Variants in SLC35F4 observed in about 807,000 individuals in gnomAD.
SLC35F4 encodes chromosome 14 open reading frame 36.
Under a neutral mutation model 44.2 loss-of-function variants are expected in SLC35F4, and 24 were observed. The observed-to-expected ratio is 0.54, with a 90% CI of 0.39 to 0.76. SLC35F4 has a LOEUF of 0.76. Ranked by LOEUF, SLC35F4 falls within the 30% of genes least tolerant of loss-of-function variation. The probability of loss-of-function intolerance (pLI) is 0.00; values close to 1 mark genes in which losing one functional copy is unlikely to be tolerated. For synonymous variants in SLC35F4, 238 were observed against 223.6 expected (o/e 1.06, Z -0.57); for missense variants, 562 against 586.1 (o/e 0.96, Z 0.42).
At chr14:57,887,602 T>A (rs764052893) in intron 1 of SLC35F4, among the ~76,000 whole-genome samples, 2 of 152,144 alleles carry the variant, frequency 1.3e-5, no homozygotes, top group Non-Finnish European at 2.9e-5. Flanking sequence ...TTCTGTCACC[T>A]CAATGAGGAG....
intron 1 of SLC35F4, among the ~76,000 whole-genome samples, chr14:57,690,450 T>C (rs2075198354): frequency 6.6e-6 from 1 of 152,056 alleles, no homozygotes; most frequent in African/African-American, 2.4e-5. Flanking sequence ...ATTTTCATGT[T>C]TTTCTTGTCT....
At chr14:57,598,222 G>C (rs1566664545) in intron 1 of SLC35F4, among the ~76,000 whole-genome samples, 1 of 152,124 alleles carries the variant, frequency 6.6e-6, no homozygotes, top group African/African-American at 2.4e-5. Context: ...AAATTTGGTT[G>C]TCTGAAGCTC....
At chr14:57,657,833 C>A (rs2140225719) in intron 1 of SLC35F4, among the ~76,000 whole-genome samples, 1 of 152,192 alleles carries the variant, frequency 6.6e-6, no homozygotes, top group Admixed American at 6.5e-5. Flanking sequence ...TGGGAAGGTG[C>A]CTAAAGAGAA....
chr14:57,865,014 G>C (rs112890603), intron 1 of SLC35F4, among the ~76,000 whole-genome samples: 1 of 151,800 alleles, frequency 6.6e-6, no homozygotes, highest in South Asian at 2.1e-4. Flanking sequence ...CGGTGACCGC[G>C]ACGTGCGGCG....
Position 57,861,717 on chromosome 14 carries a change from T to C in SLC35F4, c.103+4006A>G, listed in dbSNP as rs899939951. On this transcript the variant is annotated intron_variant, in intron 1 of 7. Coordinates refer to ENST00000556826, the MANE Select transcript of SLC35F4 (RefSeq NM_001306087.2). ...ACCTTTCAATAGCATTGGACTCAGCTAAACTCTTCCCCTTCAAACTCTTTA... is the reference window on the plus strand; with the variant it reads ...ACCTTTCAATAGCATTGGACTCAGCCAAACTCTTCCCCTTCAAACTCTTTA... 3.9e-5 allele frequency among the ~76,000 whole-genome samples: 6 copies of C among 152,204 alleles called. No individual in the cohort carries two copies. The East Asian group carries it at 5.8e-4, about 15-fold the overall frequency.
At chr14:57,760,807 G>A (rs2077105924) in intron 1 of SLC35F4, among the ~76,000 whole-genome samples, 1 of 152,144 alleles carries the variant, frequency 6.6e-6, no homozygotes, top group South Asian at 2.1e-4. Context: ...TACTGTGTGA[G>A]TCTCAGATAC....
At chr14:57,695,466 A>G (rs1166979128) in intron 1 of SLC35F4, among the ~76,000 whole-genome samples, 1 of 151,604 alleles carries the variant, frequency 6.6e-6, no homozygotes, top group African/African-American at 2.4e-5. Flanking sequence ...CAAAACCACA[A>G]TGAGATACCA....
At chr14:57,925,500 AGGGAGGGAGGGAGGGAGGGAGGG>A (rs1566930958) in intron 1 of SLC35F4, among the ~76,000 whole-genome samples, 18 of 43,610 alleles carry the variant, frequency 4.1e-4, no homozygotes, top group African/African-American at 2.1e-3. Context: ...GAAGGAAGGG[AGGGAGGGAGGGAGGGAGGGAGGG>A]AGGGAGGGAG....
intron 1 of SLC35F4, among the ~76,000 whole-genome samples, chr14:57,639,827 C>T (rs2073152171): frequency 6.6e-6 from 1 of 151,760 alleles, no homozygotes; most frequent in Admixed American, 6.6e-5. Context: ...GGAAGTTGGG[C>T]CTTACTGATA....
intron 1 of SLC35F4, among the ~76,000 whole-genome samples, chr14:57,623,943 C>T (rs887623457): frequency 1.3e-5 from 2 of 152,046 alleles, no homozygotes; most frequent in Non-Finnish European, 2.9e-5. Context: ...CAAGAAATAA[C>T]TAAGATTAGA....
chr14:57,683,404 A>G (rs2074966974), intron 1 of SLC35F4, among the ~76,000 whole-genome samples: 1 of 152,234 alleles, frequency 6.6e-6, no homozygotes, highest in South Asian at 2.1e-4. Flanking sequence ...TAAGTTTTAA[A>G]TTTAGCAACA....
At chr14:57,728,441 CTTTTTTTTT>C (rs869064667) in intron 1 of SLC35F4, among the ~76,000 whole-genome samples, 1 of 59,026 alleles carries the variant, frequency 1.7e-5, no homozygotes, top group Non-Finnish European at 2.9e-5. Flanking sequence ...TTCTTTCTTT[CTTTTTTTTT>C]TTTTTTTTTT....
intron 1 of SLC35F4, among the ~76,000 whole-genome samples, chr14:57,970,353 C>A (rs1881016469): frequency 6.6e-6 from 1 of 152,172 alleles, no homozygotes; most frequent in Non-Finnish European, 1.5e-5. Context: ...TTTTAAGAAC[C>A]ATTCAGGTCT....
At chr14:57,655,834 CT>C (rs2073947429) in intron 1 of SLC35F4, among the ~76,000 whole-genome samples, 1 of 152,116 alleles carries the variant, frequency 6.6e-6, no homozygotes, top group South Asian at 2.1e-4. Flanking sequence ...TTTATCACTC[CT>C]AATAAAGTGC....
chr14:57,670,118 A>G (rs185629381), intron 1 of SLC35F4, among the ~76,000 whole-genome samples: 1 of 152,234 alleles, frequency 6.6e-6, no homozygotes, highest in African/African-American at 2.4e-5. Flanking sequence ...TTATTTGCAT[A>G]GAGGTGTTTA....
intron 1 of SLC35F4, among the ~76,000 whole-genome samples, chr14:57,859,240 T>C (rs1168508125): frequency 2.6e-5 from 4 of 152,196 alleles, no homozygotes; most frequent in African/African-American, 4.8e-5. Context: ...CTCGCATATA[T>C]GGAAGACTAT....
intron 1 of SLC35F4, among the ~76,000 whole-genome samples, chr14:57,841,294 T>G (rs893017876): frequency 1.7e-4 from 26 of 152,122 alleles, no homozygotes; most frequent in African/African-American, 4.8e-4. Context: ...TAGTAGGTAG[T>G]AGAGACCAGG....
intron 1 of SLC35F4, among the ~76,000 whole-genome samples, chr14:57,922,474 C>T (rs1296112222): frequency 6.6e-6 from 1 of 152,212 alleles, no homozygotes; most frequent in Non-Finnish European, 1.5e-5. Flanking sequence ...CTAGCCATTT[C>T]TGCCTAAGCC....
chr14:57,726,264 C>T (rs62003372), intron 1 of SLC35F4, among the ~76,000 whole-genome samples: 1 of 151,992 alleles, frequency 6.6e-6, no homozygotes, highest in Non-Finnish European at 1.5e-5. Context: ...TACAAATGAC[C>T]CAGACCCTTC....
Sources: allele counts gnomAD v4.1 joint callset (sites outside exome capture counted in the v4.1 genomes callset), GRCh38; gene constraint gnomAD v4.1.1; transcripts MANE v1.5; gene names NCBI Gene and HGNC (gene_info 2026-07-23, HGNC 2026-07-21).